The following MKRN1 variants were observed in gnomAD, a reference collection of about 807,000 sequenced individuals.
The protein encoded by MKRN1 is makorin ring finger protein 1, also known as E3 ubiquitin-protein ligase makorin-1.
In MKRN1, 9 loss-of-function variants were observed where a neutral mutation model predicts 55.5. The ratio of observed to expected loss-of-function variants is 0.16; its 90% CI spans 0.10 to 0.28. The LOEUF is 0.28. Ranked by LOEUF, MKRN1 falls within the 10% of genes least tolerant of loss-of-function variation. MKRN1 has a pLI of 1.00. For missense variants in MKRN1, 488 were observed against 626.7 expected (o/e 0.78, Z 2.36); for synonymous variants, 253 against 235.9 (o/e 1.07, Z -0.66).
intron 2 of MKRN1, among the ~76,000 whole-genome samples, chr7:140,464,479 G>A (rs991066934): frequency 4.6e-5 from 7 of 152,136 alleles, no homozygotes; most frequent in East Asian, 3.9e-4. Context: ...CGAGGTGGGC[G>A]ATCACCTGAG....
intron 4 of MKRN1, among the ~76,000 whole-genome samples, chr7:140,458,261 G>A (rs190113835): frequency 3.9e-4 from 59 of 152,314 alleles, no homozygotes; most frequent in Non-Finnish European, 5.3e-4. Context: ...TGATCTAAGT[G>A]TCCATCAACT....
rs1585462148 is a variant in MKRN1, at chr7:140,456,116, T to C, written c.987-216A>G. The C allele has an allele frequency of 1.8e-5, 19 of 1,068,690 alleles. No individual in the cohort carries two copies. In the East Asian group the frequency reaches 6.4e-4, roughly 36 times the overall value. The allele number at this position is 1,068,690 out of a possible 1,614,324, so 66.2% of individuals were successfully genotyped here. A position where few individuals can be genotyped will look rare whatever the true frequency, so the allele number is the denominator to read the frequency against. Reference sequence around the variant, plus strand: ...CCAACTCAAGGGCTAGCCAGTTCTTTTTTTTTTTTTTTGAAAAATATAACT... The same window carrying C: ...CCAACTCAAGGGCTAGCCAGTTCTTCTTTTTTTTTTTTGAAAAATATAACT... On this transcript the variant is annotated intron_variant, in intron 5 of 7. Transcript: ENST00000255977.
In MKRN1 at chr7:140,479,255, C is replaced by T. The variant is rs1585507076; in HGVS notation, c.90G>A (p.Pro30=). Residue 30 remains proline, a synonymous_variant, in exon 1 of 8, where the codon CCG becomes CCA. Transcript: ENST00000255977. ...AATAAAASPT[P]IPTVTAPSLG... ...GGGACGGGGCGGTGACTGTGGGGAT[C>T]GGGGTGGGGGAGGCTGCTGCCGCCG... 2 of 1,419,114 alleles carry T rather than the reference C, an allele frequency of 1.4e-6. No individual in the cohort carries two copies. Among genetic ancestry groups the T allele is most frequent in the Non-Finnish European group, 1.8e-6 (2 of 1,088,946 alleles). The allele number at this position is 1,419,114 out of a possible 1,614,324, so 87.9% of individuals were successfully genotyped here.
Position 140,459,164 on chromosome 7 carries a change from G to C in MKRN1, c.614C>G (p.Thr205Ser), listed in dbSNP as rs1420946013. 1 of 1,613,962 alleles carries C rather than the reference G, an allele frequency of 6.2e-7. No individual in the cohort carries two copies. The highest frequency in any genetic ancestry group is 2.2e-5 in the East Asian group (1 of 44,880). The change falls in exon 4 of 8, where the codon ACC becomes AGC. Residue 205 changes from threonine to serine, a missense_variant. Coordinates refer to ENST00000255977, the MANE Select transcript of MKRN1 (RefSeq NM_013446.4). ...VTKEESEKEQ[T>S]AVETKKQLCP... ...CAGCTGCTTCTTTGTCTCCACGGCG[G>C]TTTGCTCTTTCTCTGATTCTTCCTT...
chr7:140,455,030 AAT>A, intron 7 of MKRN1, 63 bp downstream of exon 7: 1 of 1,581,124 alleles, frequency 6.3e-7, no homozygotes, highest in Non-Finnish European at 8.6e-7. Flanking sequence ...CCCCTACCCC[AAT>A]ATGTGCAGGA....
intron 2 of MKRN1, among the ~76,000 whole-genome samples, chr7:140,468,701 C>CAAAAAAAAAAAAAAAA (rs528725182): frequency 3.1e-5 from 1 of 32,128 alleles, no homozygotes; most frequent in Non-Finnish European, 6.4e-5. Flanking sequence ...CTCTGTCTCA[C>CAAAAAAAAAAAAAAAA]AAAAAAAAAA....
intron 2 of MKRN1, among the ~76,000 whole-genome samples, chr7:140,463,828 TGA>T (rs1440301644): frequency 2.6e-5 from 4 of 151,648 alleles, no homozygotes; most frequent in Non-Finnish European, 4.4e-5. Flanking sequence ...GAGCTTCCAG[TGA>T]GAGAGCTGAG....
chr7:140,460,378 C>G (rs1794587522), intron 2 of MKRN1: 1 of 140,966 alleles, frequency 7.1e-6, no homozygotes, highest in South Asian at 2.3e-4. Flanking sequence ...GGCGTGATCT[C>G]AGCTCACTGC....
At chr7:140,462,070 T>C (rs1316677664) in intron 2 of MKRN1, among the ~76,000 whole-genome samples, 3 of 152,204 alleles carry the variant, frequency 2.0e-5, no homozygotes. Flanking sequence ...CTCTATCTCC[T>C]AGGCTGGAGT....
chr7:140,462,666 T>C (rs990708752), intron 2 of MKRN1, among the ~76,000 whole-genome samples: 2 of 151,844 alleles, frequency 1.3e-5, no homozygotes, highest in African/African-American at 4.8e-5. Context: ...CCGTCTCTAC[T>C]AAAAATAAAA....
chr7:140,454,747 A>G lies in MKRN1; in HGVS notation c.1237-18T>C, dbSNP rs1344356126. 9 of 1,609,400 alleles carry G rather than the reference A, an allele frequency of 5.6e-6. No homozygotes were observed. Among genetic ancestry groups the G allele is most frequent in the Admixed American group, 1.7e-5 (1 of 59,976 alleles). On this transcript the variant is annotated intron_variant, in intron 7 of 7. Transcript: ENST00000255977. ...CGTTGGGCCTGTAAAAAACAAGGCC[A>G]TGATAGGGATGGCACTGTCGAGCAG...
chr7:140,470,604 A>G lies in MKRN1; in HGVS notation c.314+1279T>C, dbSNP rs539509531. On this transcript the variant is annotated intron_variant, in intron 2 of 7. Coordinates refer to ENST00000255977, the MANE Select transcript of MKRN1 (RefSeq NM_013446.4). ...CCATCCTAAACAAAACAAACAAAAA[A>G]ACCCAAACAAACAAACAAAAAACAA... 6.7e-5 allele frequency among the ~76,000 whole-genome samples: 10 copies of G among 150,096 alleles called. No homozygotes were observed. The East Asian group carries it at 1.8e-3, about 27-fold the overall frequency.
At chr7:140,459,998 A>G (rs11763850) in intron 2 of MKRN1, 62 bp from the exon 3 acceptor site, 595,493 of 1,387,792 alleles carry the variant, frequency 0.43, 133,648 homozygotes, top group African/African-American at 0.74. Flanking sequence ...TGTAATCCCA[A>G]CAGTTTGGGA....
intron 1 of MKRN1, chr7:140,478,602 T>C (rs900996019): frequency 3.0e-4 from 46 of 152,054 alleles, no homozygotes; most frequent in Non-Finnish European, 5.0e-4. Flanking sequence ...CTTCTCACAG[T>C]TGGGCGGAGG....
intron 1 of MKRN1, 141 bp downstream of exon 1, chr7:140,479,019 G>C (rs905130054): frequency 1.9e-6 from 2 of 1,061,058 alleles, no homozygotes; most frequent in Non-Finnish European, 2.4e-6. Flanking sequence ...GGGGCCGCGA[G>C]GGCTGCAGAG....
intron 1 of MKRN1, chr7:140,475,407 C>A (rs1795092167): frequency 3.3e-6 from 1 of 306,728 alleles, no homozygotes; most frequent in East Asian, 1.5e-4. Flanking sequence ...CACCTGTAAT[C>A]CCAGCACTTT....
At chr7:140,455,438 T>C in intron 6 of MKRN1, 1 of 623,336 alleles carries the variant, frequency 1.6e-6, no homozygotes, top group African/African-American at 1.8e-5. Context: ...CTATGCTGGT[T>C]AATAGCTCTA....
At chr7:140,468,783 A>C (rs2130324162) in intron 2 of MKRN1, among the ~76,000 whole-genome samples, 1 of 150,520 alleles carries the variant, frequency 6.6e-6, no homozygotes, top group Non-Finnish European at 1.5e-5. Context: ...CCCCTTTTTC[A>C]GCAATAATGC....
rs371705983 is a variant in MKRN1, at chr7:140,459,814, G to A, written c.437C>T (p.Thr146Ile). The stretch of plus-strand genomic sequence containing the variant: ...TGAATTTCTTGACTCAGCTTCGCCT[G>A]TATTCATTTCAACAAGTGGTCCAAC... ...SIVGPLVEMN[T>I]GEAESRNSNF... is the part of the protein sequence containing the mutation. Residue 146 changes from threonine (T) to isoleucine (I), a missense_variant, in exon 3 of 8, where the codon ACA becomes ATA. Thr to Ile is a moderately conservative substitution (Grantham distance 89). Coordinates refer to ENST00000255977, the MANE Select transcript of MKRN1 (RefSeq NM_013446.4). 2.0e-5 allele frequency: 32 copies of A among 1,613,854 alleles called. No homozygotes were observed. The East Asian group carries it at 3.8e-4, about 19-fold the overall frequency.
Sources: allele counts gnomAD v4.1 joint callset (sites outside exome capture counted in the v4.1 genomes callset), GRCh38; gene constraint gnomAD v4.1.1; transcripts MANE v1.5; gene names NCBI Gene and HGNC (gene_info 2026-07-23, HGNC 2026-07-21).